Variants in CCDC93 observed in about 807,000 individuals in gnomAD.
The protein encoded by CCDC93 is CCC complex scaffolding subunit CCDC93, also known as coiled-coil domain-containing protein 93.
CCDC93 carries 61 observed loss-of-function variants against 108.2 expected under a neutral mutation model. The observed-to-expected ratio is 0.56, with a 90% CI of 0.46 to 0.70. The LOEUF (loss-of-function observed/expected upper bound fraction) is 0.70, where lower values mean the gene tolerates loss of function less well. CCDC93 is among the 30% of genes least tolerant of loss of function. CCDC93 has a pLI of 0.00. For synonymous variants in CCDC93, 276 were observed against 260.4 expected, an observed-to-expected ratio of 1.06 and a Z score of -0.58; for missense variants, 685 against 764.2, an observed-to-expected ratio of 0.90 and a Z score of 1.22.
intron 8 of CCDC93, 88 bp downstream of exon 8, chr2:117,977,906 G>A: frequency 7.9e-7 from 1 of 1,265,040 alleles, no homozygotes; most frequent in South Asian, 1.2e-5. Flanking sequence ...CCAAGAAGCT[G>A]CTGCCCGGCT....
Position 117,935,539 on chromosome 2 carries a change from G to A in CCDC93, c.1684C>T (p.Gln562Ter). 1 of 1,613,932 alleles carries A rather than the reference G, an allele frequency of 6.2e-7. No homozygotes were observed. Among genetic ancestry groups the A allele is most frequent in the Non-Finnish European group, 8.5e-7 (1 of 1,179,892 alleles). ...SPAARDQFLR[Q>*]MEQIVEGIKQ... ...ATTCCTTCCACAATCTGTTCCATCT[G>A]ACGTAAAAACTGGTCCCGGGCAGCA... The change falls in exon 22 of 24, where the codon CAG becomes TAG. Residue 562 changes from glutamine to a stop codon, truncating the protein, a stop_gained. Coordinates refer to ENST00000376300, the MANE Select transcript of CCDC93 (RefSeq NM_019044.5). LOFTEE classifies it high-confidence loss of function.
At chr2:117,993,985 G>A (rs747470703) in intron 6 of CCDC93, among the ~76,000 whole-genome samples, 1 of 152,206 alleles carries the variant, frequency 6.6e-6, no homozygotes, top group Non-Finnish European at 1.5e-5. Context: ...ACCCGTCTCA[G>A]CCTTCCAGTG....
intron 6 of CCDC93, among the ~76,000 whole-genome samples, chr2:117,987,232 C>G (rs1208305629): frequency 1.3e-5 from 2 of 152,138 alleles, no homozygotes; most frequent in Non-Finnish European, 2.9e-5. Flanking sequence ...AGAGACAGGG[C>G]ACATACCATC....
At chr2:117,928,500 C>T (rs1181348619) in intron 23 of CCDC93, among the ~76,000 whole-genome samples, 4 of 152,178 alleles carry the variant, frequency 2.6e-5, no homozygotes, top group African/African-American at 9.7e-5. Flanking sequence ...CCAAAAGACA[C>T]ATGAAAAAGT....
At position 117,975,278 on chromosome 2, in the gene CCDC93, A is replaced by T. The variant is rs749638754; in HGVS notation, c.660T>A (p.Ala220=). The T allele has an allele frequency of 6.2e-7, 1 of 1,611,636 alleles. No individual in the cohort carries two copies. The highest frequency in any genetic ancestry group is 1.1e-5 in the South Asian group (1 of 91,066). Residue 220 remains alanine (A), a splice_region_variant and synonymous_variant, in exon 9 of 24, where the codon GCT becomes GCA. Transcript: ENST00000376300. ...GFSRQSKMEK[A]EDKKTALPAG... ...CTGGAAGTGCCGTTTTCTTGTCCTC[A>T]GCCTGCAAGGGAAGATGTGAAAACA...
chr2:117,920,070 A>G lies in CCDC93; in HGVS notation c.*273T>C, dbSNP rs1677808142. 6.1e-6 allele frequency: 2 copies of G among 329,182 alleles called. No individual in the cohort carries two copies. The highest frequency in any genetic ancestry group is 4.2e-5 in the African/African-American group (2 of 48,086). The allele number at this position is 329,182 out of a possible 1,614,324, so 20.4% of individuals were successfully genotyped here. A position where few individuals can be genotyped will look rare whatever the true frequency, so the allele number is the denominator to read the frequency against. On this transcript the variant is annotated 3_prime_UTR_variant, in exon 24 of 24. Transcript: ENST00000376300. ...ACCTTCATAAGCGCAATGTTACTGG[A>G]GACATAAAAGTTGAATCAACAGAGA...
chr2:117,930,921 T>C (rs1474461109), intron 23 of CCDC93, 116 bp downstream of exon 23: 1 of 650,442 alleles, frequency 1.5e-6, no homozygotes, highest in East Asian at 2.6e-5. Flanking sequence ...CTCTGTCTTG[T>C]TATTTCCCTT....
At chr2:117,941,965 G>A (rs1229961170) in intron 18 of CCDC93, among the ~76,000 whole-genome samples, 1 of 152,138 alleles carries the variant, frequency 6.6e-6, no homozygotes, top group Non-Finnish European at 1.5e-5. Flanking sequence ...TTCTGTGCCT[G>A]CATCCCTTTG....
intron 17 of CCDC93, chr2:117,944,837 A>G: frequency 2.1e-6 from 1 of 470,610 alleles, no homozygotes; most frequent in Non-Finnish European, 4.4e-6. Context: ...AGGAACCCTT[A>G]AAGAAGGCAG....
rs200069489 is a variant in CCDC93, at chr2:117,945,592, T to C, written c.1297-10A>G. The C allele has an allele frequency of 3.7e-6, 6 of 1,612,456 alleles. No individual in the cohort carries two copies. The East Asian group carries it at 6.7e-5, about 18-fold the overall frequency. ...CTCCACTGGAGAGGGTCTGAAACAA[T>C]GAAAACATAATAAACACCTCTCCTG... On this transcript the variant is annotated splice_polypyrimidine_tract_variant and intron_variant, in intron 16 of 23. Transcript: ENST00000376300.
intron 14 of CCDC93, 40 bp from the exon 15 acceptor site, chr2:117,948,226 T>G: frequency 6.9e-7 from 1 of 1,441,928 alleles, no homozygotes; most frequent in Middle Eastern, 1.8e-4. Flanking sequence ...TGGCAGGCCA[T>G]TATGATTTTA....
At chr2:117,948,258 T>C in intron 14 of CCDC93, 72 bp from the exon 15 acceptor site, 14 of 1,092,622 alleles carry the variant, frequency 1.3e-5, no homozygotes, top group Non-Finnish European at 1.5e-5. Flanking sequence ...TAAAAGCAGG[T>C]CCGCAGCTAA....
At position 117,919,728 on chromosome 2, in the gene CCDC93, G is replaced by C. The variant is rs1042807688; in HGVS notation, c.*615C>G. On this transcript the variant is annotated 3_prime_UTR_variant, in exon 24 of 24. Coordinates refer to ENST00000376300, the MANE Select transcript of CCDC93 (RefSeq NM_019044.5). ...TCGTTCCAGTTGCTGTCACCACCAA[G>C]CCTGCTGGCTGGCACCTGGAGGAGC... 3 of 152,256 alleles carry C rather than the reference G, an allele frequency of 2.0e-5. No homozygotes were observed. The highest frequency in any genetic ancestry group is 4.4e-5 in the Non-Finnish European group (3 of 68,062). The allele number at this position is 152,256 out of a possible 1,614,324, so 9.4% of individuals were successfully genotyped here. A position where few individuals can be genotyped will look rare whatever the true frequency, so the allele number is the denominator to read the frequency against.
intron 1 of CCDC93, 87 bp downstream of exon 1, chr2:118,013,867 A>G: frequency 8.1e-7 from 1 of 1,232,698 alleles, no homozygotes; most frequent in Admixed American, 2.8e-5. Flanking sequence ...CCCCTAACGC[A>G]CCCAGGGCCC....
intron 22 of CCDC93, among the ~76,000 whole-genome samples, chr2:117,932,045 G>C (rs1025049344): frequency 5.9e-5 from 9 of 152,110 alleles, no homozygotes; most frequent in Admixed American, 2.6e-4. Flanking sequence ...AATGACACGG[G>C]GGGAGGTGAC....
intron 17 of CCDC93, among the ~76,000 whole-genome samples, chr2:117,945,241 C>T (rs998863608): frequency 6.6e-6 from 1 of 152,226 alleles, no homozygotes; most frequent in Non-Finnish European, 1.5e-5. Context: ...ATGCGGCCAA[C>T]GCAGGCCTCT....
rs1677647752 is a variant in CCDC93 at position 117,915,485 on chromosome 2, G to T, written c.*4858C>A. 6.6e-6 allele frequency: 1 copy of T among 152,076 alleles called. No homozygotes were observed. The highest frequency in any genetic ancestry group is 6.6e-5 in the Admixed American group (1 of 15,250). 9.4% of individuals were successfully genotyped at this position (152,076 alleles called of 1,614,324 possible). A position where few individuals can be genotyped will look rare whatever the true frequency, so the allele number is the denominator to read the frequency against. ...CCCAAGAAAGAGTCTCACTACTTTT[G>T]AATCAAAGGCTTTATCTTTAAGAAA... On this transcript the variant is annotated 3_prime_UTR_variant, in exon 24 of 24. Coordinates refer to ENST00000376300, the MANE Select transcript of CCDC93 (RefSeq NM_019044.5).
At chr2:117,995,378 G>A in intron 6 of CCDC93, 68 bp downstream of exon 6, 1 of 1,210,788 alleles carries the variant, frequency 8.3e-7, no homozygotes, top group South Asian at 1.2e-5. Flanking sequence ...CAGCGCTTTT[G>A]TGATTTAACA....
intron 23 of CCDC93, among the ~76,000 whole-genome samples, chr2:117,925,916 G>C (rs1678073356): frequency 6.6e-6 from 1 of 152,148 alleles, no homozygotes; most frequent in Non-Finnish European, 1.5e-5. Context: ...ATAACAAACT[G>C]TCTCTCAGAC....
Sources: gnomAD v4.1 joint callset for allele counts (sites outside exome capture counted in the v4.1 genomes callset) on GRCh38, gnomAD v4.1.1 for gene constraint, MANE v1.5 for transcripts, NCBI Gene and HGNC (gene_info 2026-07-23, HGNC 2026-07-21) for gene names.